Variants in ZNF578 observed in about 807,000 individuals in gnomAD.
ZNF578 encodes zinc finger protein 578.
ZNF578 carries 8 observed loss-of-function variants against 8.3 expected under a neutral mutation model. The observed-to-expected ratio is 0.96, with a 90% CI of 0.56 to 1.74. ZNF578 has a LOEUF of 1.74. Ranked by LOEUF, ZNF578 falls within the 40% of genes most tolerant of loss-of-function variation. The pLI is 0.00. For missense variants in ZNF578, 726 were observed against 707.5 expected, an observed-to-expected ratio of 1.03 and a Z score of -0.30; for synonymous variants, 206 against 232.2, an observed-to-expected ratio of 0.89 and a Z score of 1.03.
intron 2 of ZNF578, among the ~76,000 whole-genome samples, chr19:52,467,387 C>T (rs2059278658): frequency 6.6e-6 from 1 of 151,934 alleles, no homozygotes; most frequent in African/African-American, 2.4e-5. Flanking sequence ...GCTGAGATCG[C>T]ACCACTGCAC....
intron 2 of ZNF578, among the ~76,000 whole-genome samples, chr19:52,463,410 G>A (rs1414443585): frequency 3.3e-5 from 5 of 152,182 alleles, no homozygotes; most frequent in Non-Finnish European, 7.3e-5. Flanking sequence ...CAACCTTTGA[G>A]GCTTAACACC....
chr19:52,509,959 G>A (rs1846441977), intron 5 of ZNF578, among the ~76,000 whole-genome samples: 1 of 148,482 alleles, frequency 6.7e-6, no homozygotes. Context: ...TTGGCTCACT[G>A]CAACCTCTGC....
chr19:52,488,803 A>G (rs1331434528), intron 2 of ZNF578, among the ~76,000 whole-genome samples: 1 of 151,668 alleles, frequency 6.6e-6, no homozygotes, highest in Non-Finnish European at 1.5e-5. Flanking sequence ...AAAATGAAGA[A>G]AAAGTAAGGA....
intron 2 of ZNF578, among the ~76,000 whole-genome samples, chr19:52,484,426 G>T (rs1001394429): frequency 5.3e-5 from 8 of 152,112 alleles, no homozygotes; most frequent in Non-Finnish European, 1.2e-4. Context: ...GGATGGTCAG[G>T]TCTTTCCCTT....
rs970371911 is a variant in ZNF578 at position 52,514,352 on chromosome 19, G to A, written c.*2198G>A. On this transcript the variant is annotated 3_prime_UTR_variant, in exon 6 of 6. Coordinates refer to ENST00000421239, the MANE Select transcript of ZNF578 (RefSeq NM_001099694.2). Reference sequence around the variant, plus strand: ...AAAGAGTTGCTGTTTGAAATTAGTTGCATCCAGTTCAGATCGAGGTCTGCA... The same window carrying A: ...AAAGAGTTGCTGTTTGAAATTAGTTACATCCAGTTCAGATCGAGGTCTGCA... Among the ~76,000 whole-genome samples the A allele has an allele frequency of 2.6e-5, 4 of 152,110 alleles. No individual in the cohort carries two copies. Among genetic ancestry groups the A allele is most frequent in the African/African-American group, 7.2e-5 (3 of 41,414 alleles).
chr19:52,461,666 CAT>C (rs894132236), intron 2 of ZNF578, among the ~76,000 whole-genome samples: 1 of 152,110 alleles, frequency 6.6e-6, no homozygotes, highest in Non-Finnish European at 1.5e-5. Context: ...AGAATTAGGT[CAT>C]ATATGAATAT....
intron 4 of ZNF578, 27 bp from the exon 5 acceptor site, chr19:52,504,628 T>G: frequency 6.2e-7 from 1 of 1,613,476 alleles, no homozygotes; most frequent in Non-Finnish European, 8.5e-7. Flanking sequence ...TCCATAATGT[T>G]TTGTTGAAAT....
chr19:52,494,767 G>A (rs184528801), intron 3 of ZNF578, among the ~76,000 whole-genome samples: 2 of 152,202 alleles, frequency 1.3e-5, no homozygotes, highest in African/African-American at 2.4e-5. Context: ...TCCCAGGGTG[G>A]GGTAGGAAGT....
chr19:52,479,158 G>GT (rs1343848169), intron 2 of ZNF578, among the ~76,000 whole-genome samples: 1 of 151,914 alleles, frequency 6.6e-6, no homozygotes, highest in East Asian at 1.9e-4. Flanking sequence ...GCCACAGATT[G>GT]TTTAAGTAAA....
chr19:52,499,428 C>G (rs1262273370), intron 3 of ZNF578, among the ~76,000 whole-genome samples: 1 of 152,164 alleles, frequency 6.6e-6, no homozygotes, highest in Non-Finnish European at 1.5e-5. Flanking sequence ...GTCTCCTCAG[C>G]TCTCTCCTGG....
chr19:52,485,035 G>C (rs938641994), intron 2 of ZNF578, among the ~76,000 whole-genome samples: 5 of 151,162 alleles, frequency 3.3e-5, no homozygotes, highest in Non-Finnish European at 7.4e-5. Flanking sequence ...GGCGGGCTGA[G>C]TCCAAAAAGA....
chr19:52,493,931 G>A (rs909647475), intron 3 of ZNF578, among the ~76,000 whole-genome samples: 27 of 151,200 alleles, frequency 1.8e-4, no homozygotes, highest in African/African-American at 6.6e-4. Flanking sequence ...CGGAGGTTGT[G>A]GTGAGCCGAG....
intron 2 of ZNF578, chr19:52,475,283 A>C (rs529345184): frequency 4.6e-6 from 1 of 217,506 alleles, no homozygotes; most frequent in East Asian, 1.2e-4. Flanking sequence ...AGAATCAAAA[A>C]AATCACCACT....
chr19:52,464,633 A>G (rs2059268874), intron 2 of ZNF578, among the ~76,000 whole-genome samples: 1 of 152,188 alleles, frequency 6.6e-6, no homozygotes, highest in Non-Finnish European at 1.5e-5. Context: ...GATGAATAAC[A>G]TTGAATAAGT....
chr19:52,512,216 T>C lies in ZNF578; in HGVS notation c.*62T>C. 6.2e-7 allele frequency: 1 copy of C among 1,605,952 alleles called. No homozygotes were observed. The highest frequency in any genetic ancestry group is 1.1e-5 in the South Asian group (1 of 90,546). The stretch of plus-strand genomic sequence containing the variant: ...ATGTGACAAAGTTTTCAGTCACAGA[T>C]CACGCCTTAAAAGACATAGGAGAAT... On this transcript the variant is annotated 3_prime_UTR_variant, in exon 6 of 6. Transcript: ENST00000421239.
At chr19:52,500,408 C>CTTTT (rs71180471) in intron 3 of ZNF578, among the ~76,000 whole-genome samples, 1 of 138,882 alleles carries the variant, frequency 7.2e-6, no homozygotes, top group African/African-American at 2.7e-5. Context: ...TTTGAGTTTC[C>CTTTT]TTTTTTTTTT....
intron 3 of ZNF578, among the ~76,000 whole-genome samples, chr19:52,498,782 C>T (rs1200588000): frequency 6.7e-6 from 1 of 149,660 alleles, no homozygotes; most frequent in Non-Finnish European, 1.5e-5. Flanking sequence ...GCCTCCCGGG[C>T]TCAAGTGATC....
chr19:52,481,433 C>G (rs2059326045), intron 2 of ZNF578, among the ~76,000 whole-genome samples: 1 of 152,160 alleles, frequency 6.6e-6, no homozygotes, highest in Admixed American at 6.5e-5. Flanking sequence ...GCATCTAGCA[C>G]CTTTCACATT....
chr19:52,460,018 G>C (rs2059252904), intron 2 of ZNF578, among the ~76,000 whole-genome samples: 1 of 150,532 alleles, frequency 6.6e-6, no homozygotes, highest in Admixed American at 6.6e-5. Flanking sequence ...ACCCACCTCA[G>C]CTTCCCAAAG....
Sources: allele counts gnomAD v4.1 joint callset (sites outside exome capture counted in the v4.1 genomes callset), GRCh38; gene constraint gnomAD v4.1.1; transcripts MANE v1.5; gene names NCBI Gene and HGNC (gene_info 2026-07-23, HGNC 2026-07-21).